The following MYO1A variants were observed in gnomAD, a reference collection of about 807,000 sequenced individuals.
MYO1A encodes the protein unconventional myosin-Ia.
Under a neutral mutation model 138.5 loss-of-function variants are expected in MYO1A, and 127 were observed. The observed-to-expected ratio is 0.92, with a 90% CI of 0.79 to 1.06. The LOEUF (loss-of-function observed/expected upper bound fraction) is 1.06. MYO1A is among the 50% of genes least tolerant of loss of function. The pLI is 0.00. For synonymous variants in MYO1A, 477 were observed against 497.5 expected (o/e 0.96, Z 0.55); for missense variants, 1,211 against 1,288.8 (o/e 0.94, Z 0.92).
chr12:57,041,305 A>G lies in MYO1A; in HGVS notation c.1165-17T>C, dbSNP rs185366619. The G allele has an allele frequency of 6.2e-7, 1 of 1,608,180 alleles. No individual in the cohort carries two copies. The highest frequency in any genetic ancestry group is 2.2e-5 in the East Asian group (1 of 44,858). On this transcript the variant is annotated splice_polypyrimidine_tract_variant and intron_variant, in intron 13 of 27. Transcript: ENST00000300119. ...GCTATTATCCTGAGAGAGGGAGCAC[A>G]GGTTAGAGAGCTCACTCCAAGACTG...
chr12:57,039,905 C>T (rs2030780987), intron 14 of MYO1A, among the ~76,000 whole-genome samples: 1 of 152,216 alleles, frequency 6.6e-6, no homozygotes, highest in East Asian at 1.9e-4. Flanking sequence ...CCTTTAGGAA[C>T]CACTTTATCT....
intron 12 of MYO1A, among the ~76,000 whole-genome samples, chr12:57,041,869 A>G (rs1373834062): frequency 6.6e-6 from 1 of 152,206 alleles, no homozygotes; most frequent in Non-Finnish European, 1.5e-5. Context: ...ACAGATAACA[A>G]AGTCAAATTT....
intron 21 of MYO1A, 52 bp downstream of exon 21, chr12:57,036,720 A>T: frequency 6.2e-7 from 1 of 1,602,802 alleles, no homozygotes; most frequent in Non-Finnish European, 8.5e-7. Context: ...CCAGCAGGTG[A>T]CACAATCCAG....
rs780295823 is a variant in MYO1A, at chr12:57,037,558, C to T, written c.2045G>A (p.Ser682Asn). The change falls in exon 19 of 28, where the codon AGC becomes AAC. Residue 682 changes from serine to asparagine, a missense_variant. By Grantham distance (46) the Ser-to-Asn change is conservative. Coordinates refer to ENST00000300119, the MANE Select transcript of MYO1A (RefSeq NM_005379.4). ...AFGKTKIFIRSPKTLFYLEEQ... is the reference protein window; with the variant it reads ...AFGKTKIFIRNPKTLFYLEEQ... ...CACTCTCTAACTCACAGTCTTGGGG[C>T]TTCTAATGAAGATCTTTGTCTTGCC... 2 of 1,614,092 alleles carry T rather than the reference C, an allele frequency of 1.2e-6. No homozygotes were observed. The highest frequency in any genetic ancestry group is 1.3e-5 in the African/African-American group (1 of 75,040).
Position 57,043,883 on chromosome 12 carries a change from G to A in MYO1A, c.865C>T (p.Pro289Ser). Residue 289 changes from proline to serine, a missense_variant, in exon 10 of 28, where the codon CCA (proline) becomes TCA (serine). Transcript: ENST00000300119. ...VADEFQASGI[P>S]ASGIRDGRGV... ...CTCCCATCACGGATGCCACTTGCTG[G>A]TATCCCACTGGCCTGGAACTCATCA... The A allele has an allele frequency of 6.2e-7, 1 of 1,614,080 alleles. No homozygotes were observed. The highest frequency in any genetic ancestry group is 8.5e-7 in the Non-Finnish European group (1 of 1,179,996).
chr12:57,041,393 A>T lies in MYO1A; in HGVS notation c.1164+39T>A, dbSNP rs377638214. On this transcript the variant is annotated intron_variant, in intron 13 of 27. Transcript: ENST00000300119. ...CCCCCTGTGAGCCTGTCCACCTCTAATCCTAGGGGAGCAGGGTGCTGAGGT... is the reference window on the plus strand; with the variant it reads ...CCCCCTGTGAGCCTGTCCACCTCTATTCCTAGGGGAGCAGGGTGCTGAGGT... The T allele has an allele frequency of 8.6e-5, 138 of 1,602,052 alleles. No individual in the cohort carries two copies. In the African/African-American group the frequency reaches 1.7e-3, roughly 20 times the overall value.
chr12:57,049,223 A>G (rs2136462319), intron 1 of MYO1A, among the ~76,000 whole-genome samples: 1 of 152,354 alleles, frequency 6.6e-6, no homozygotes, highest in South Asian at 2.1e-4. Flanking sequence ...TGCAGTAGGC[A>G]CATGGCAGGT....
At chr12:57,049,735 T>A (rs1010109239) in intron 1 of MYO1A, among the ~76,000 whole-genome samples, 152 bp downstream of exon 1, 3 of 151,778 alleles carry the variant, frequency 2.0e-5, no homozygotes, top group African/African-American at 7.3e-5. Flanking sequence ...AAGCAGAAGG[T>A]GGGTTGGGAG....
At chr12:57,031,970 A>C (rs957655314) in intron 22 of MYO1A, among the ~76,000 whole-genome samples, 5 of 152,156 alleles carry the variant, frequency 3.3e-5, no homozygotes, top group African/African-American at 1.2e-4. Flanking sequence ...CTCATGTCGC[A>C]GGACCCCTGC....
Position 57,041,188 on chromosome 12 carries a change from C to G in MYO1A, c.1265G>C (p.Arg422Thr), listed in dbSNP as rs369047772. 22 of 1,611,730 alleles carry G rather than the reference C, an allele frequency of 1.4e-5. No individual in the cohort carries two copies. In the African/African-American group the frequency reaches 2.8e-4, roughly 21 times the overall value. Residue 422 changes from arginine (R) to threonine (T), a missense_variant, in exon 14 of 28, where the codon AGA becomes ACA. Physicochemically the swap from Arg to Thr is moderately conservative, Grantham distance 71 (BLOSUM62 -1). Coordinates refer to ENST00000300119, the MANE Select transcript of MYO1A (RefSeq NM_005379.4). Reference protein sequence around the residue: ...TLKEEQEEYKREGIPWTKVDY... With the variant: ...TLKEEQEEYKTEGIPWTKVDY... Reference sequence around the variant, plus strand: ...AGTAGAAAAGACTTGGTTTACTTCTCTCTTATATTCCTCTTGCTCTTCTTT... The same window carrying G: ...AGTAGAAAAGACTTGGTTTACTTCTGTCTTATATTCCTCTTGCTCTTCTTT...
chr12:57,040,978 TG>T (rs1260655328), intron 14 of MYO1A, among the ~76,000 whole-genome samples: 1 of 152,200 alleles, frequency 6.6e-6, no homozygotes, highest in Non-Finnish European at 1.5e-5. Context: ...ACATGTACCC[TG>T]GGAGGCCAGG....
intron 23 of MYO1A, 120 bp downstream of exon 23, chr12:57,030,920 T>C (rs963476907): frequency 3.3e-6 from 4 of 1,208,272 alleles, no homozygotes; most frequent in Middle Eastern, 2.8e-4. Context: ...TTGTATGTTA[T>C]GTATATTTTA....
Position 57,037,950 on chromosome 12 carries a change from T to C in MYO1A, c.1880A>G (p.His627Arg). The C allele has an allele frequency of 6.2e-7, 1 of 1,614,162 alleles. No homozygotes were observed. The highest frequency in any genetic ancestry group is 1.6e-4 in the Middle Eastern group (1 of 6,062). The stretch of plus-strand genomic sequence containing the variant: ...CAGGAAGGGCCCATAACCCTGGCGG[T>C]GGGCATAGCCTGCCCGTCGCACCCG... Reference protein sequence around the residue: ...NVRVRRAGYAHRQGYGPFLER... With the variant: ...NVRVRRAGYARRQGYGPFLER... The change falls in exon 18 of 28, where the codon CAC becomes CGC. Residue 627 changes from histidine (H) to arginine (R), a missense_variant. Coordinates refer to ENST00000300119, the MANE Select transcript of MYO1A (RefSeq NM_005379.4).
rs4143085 is a variant in MYO1A at position 57,036,651 on chromosome 12, C to G, written c.2274+121G>C. 0.086 allele frequency: 106,032 copies of G among 1,227,484 alleles called. 4,948 individuals are homozygous for G. The highest frequency in any genetic ancestry group is 0.14 in the East Asian group (6,139 of 43,006). 76.0% of individuals were successfully genotyped at this position (1,227,484 alleles called of 1,614,324 possible). A position where few individuals can be genotyped will look rare whatever the true frequency, so the allele number is the denominator to read the frequency against. ...CCCAGACACCCACCCACACATGGACCGGCTGATACACAGAGGTGCGGCCTG... is the reference window on the plus strand; with the variant it reads ...CCCAGACACCCACCCACACATGGACGGGCTGATACACAGAGGTGCGGCCTG... On this transcript the variant is annotated intron_variant, in intron 21 of 27. Transcript: ENST00000300119.
At chr12:57,029,066 G>A (rs1029653391) in intron 27 of MYO1A, 66 bp downstream of exon 27, 2 of 1,613,220 alleles carry the variant, frequency 1.2e-6, no homozygotes, top group African/African-American at 2.7e-5. Flanking sequence ...TCTGATCCTG[G>A]TCACGATGAC....
chr12:57,047,546 C>T lies in MYO1A; in HGVS notation c.325+81G>A, dbSNP rs756179696. The T allele has an allele frequency of 3.1e-4, 473 of 1,530,244 alleles. No homozygotes were observed. The Middle Eastern group carries it at 7.7e-3, about 25-fold the overall frequency. 94.8% of individuals were successfully genotyped at this position (1,530,244 alleles called of 1,614,324 possible). On this transcript the variant is annotated intron_variant, in intron 4 of 27. Coordinates refer to ENST00000300119, the MANE Select transcript of MYO1A (RefSeq NM_005379.4). ...AAGGAAGTTCTGTGGGGTGGAGGGTCAGGTCTAGGTCTGGCTTGCAAAGAG... is the reference window on the plus strand; with the variant it reads ...AAGGAAGTTCTGTGGGGTGGAGGGTTAGGTCTAGGTCTGGCTTGCAAAGAG...
At chr12:57,045,997 C>A (rs1166317726) in intron 8 of MYO1A, among the ~76,000 whole-genome samples, 1 of 152,176 alleles carries the variant, frequency 6.6e-6, no homozygotes, top group Non-Finnish European at 1.5e-5. Context: ...TCCCTAGAGG[C>A]TAGCATAATA....
intron 3 of MYO1A, 46 bp downstream of exon 3, chr12:57,047,943 C>A: frequency 6.3e-7 from 1 of 1,592,650 alleles, no homozygotes; most frequent in South Asian, 1.1e-5. Flanking sequence ...GACTCAGTGT[C>A]AAGAAGCTGG....
chr12:57,032,388 G>C (rs1275675859), intron 22 of MYO1A, among the ~76,000 whole-genome samples: 1 of 152,178 alleles, frequency 6.6e-6, no homozygotes, highest in Non-Finnish European at 1.5e-5. Context: ...ACTGTAGGGT[G>C]GAGAAGGGGA....
Sources: gnomAD v4.1 joint callset for allele counts (sites outside exome capture counted in the v4.1 genomes callset) on GRCh38, gnomAD v4.1.1 for gene constraint, MANE v1.5 for transcripts, NCBI Gene and HGNC (gene_info 2026-07-23, HGNC 2026-07-21) for gene names.